The following STIM2 variants were observed in gnomAD, a reference collection of about 807,000 sequenced individuals.
STIM2 encodes stromal interaction molecule 2.
In STIM2, 31 loss-of-function variants were observed where a neutral mutation model predicts 85.8. The observed-to-expected ratio is 0.36, with a 90% CI of 0.27 to 0.49. The LOEUF is 0.49. Ranked by LOEUF, STIM2 falls within the 20% of genes least tolerant of loss-of-function variation. The probability of loss-of-function intolerance (pLI) is 0.98; values close to 1 mark genes in which losing one functional copy is unlikely to be tolerated. For synonymous variants in STIM2, 356 were observed against 331.1 expected (o/e 1.08, Z -0.82); for missense variants, 841 against 927.6 (o/e 0.91, Z 1.21).
intron 3 of STIM2, among the ~76,000 whole-genome samples, chr4:26,994,268 G>A (rs1215889129): frequency 6.6e-6 from 1 of 151,914 alleles, no homozygotes; most frequent in Non-Finnish European, 1.5e-5. Flanking sequence ...CTCTGTCACC[G>A]GCCCCTGCTC....
intron 2 of STIM2, among the ~76,000 whole-genome samples, chr4:26,950,048 A>T (rs895354401): frequency 2.6e-5 from 4 of 152,196 alleles, no homozygotes; most frequent in Non-Finnish European, 1.5e-5. Context: ...AACACACGGT[A>T]TTCTCAGTGA....
At chr4:26,917,005 A>C (rs899917658) in intron 1 of STIM2, among the ~76,000 whole-genome samples, 9 of 152,172 alleles carry the variant, frequency 5.9e-5, no homozygotes, top group Non-Finnish European at 1.0e-4. Context: ...TTTGTAATTT[A>C]GTTAATATAT....
chr4:26,960,623 T>A (rs1190824306), intron 3 of STIM2, among the ~76,000 whole-genome samples: 1 of 152,210 alleles, frequency 6.6e-6, no homozygotes, highest in Admixed American at 6.5e-5. Flanking sequence ...GGCATTTCTG[T>A]TATTAGACAT....
intron 1 of STIM2, among the ~76,000 whole-genome samples, chr4:26,864,803 T>C (rs141761960): frequency 4.6e-5 from 7 of 152,314 alleles, no homozygotes; most frequent in African/African-American, 1.4e-4. Context: ...ATGGCCACTT[T>C]ACCCAGTACT....
Position 26,861,335 on chromosome 4 carries a change from C to G in STIM2, c.117C>G (p.Ala39=). The G allele has an allele frequency of 7.3e-7, 1 of 1,378,414 alleles. No homozygotes were observed. The highest frequency in any genetic ancestry group is 9.3e-7 in the Non-Finnish European group (1 of 1,071,252). 85.4% of individuals were successfully genotyped at this position (1,378,414 alleles called of 1,614,324 possible). ...CCGCAACTGCCGCCTCCTCTCCCGC[C>G]GCGGCGGCCGGCGATAGCCCGGCGC... The change falls in exon 1 of 12, where the codon GCC becomes GCG. Residue 39 remains alanine (A), a synonymous_variant. Transcript: ENST00000467087.
intron 10 of STIM2, among the ~76,000 whole-genome samples, chr4:27,013,654 C>T (rs1462169674): frequency 1.3e-5 from 2 of 152,006 alleles, no homozygotes; most frequent in African/African-American, 4.8e-5. Flanking sequence ...GAGGCACTCT[C>T]CTGAGTTTCA....
chr4:26,985,777 G>T (rs1727560895), intron 3 of STIM2, among the ~76,000 whole-genome samples: 1 of 152,102 alleles, frequency 6.6e-6, no homozygotes, highest in Admixed American at 6.5e-5. Context: ...AAACTTTTAT[G>T]CCAGTTGCTT....
chr4:26,955,885 A>G lies in STIM2; in HGVS notation c.283-1727A>G, dbSNP rs185253888. Among the ~76,000 whole-genome samples the G allele has an allele frequency of 2.0e-5, 3 of 152,268 alleles. No homozygotes were observed. The East Asian group carries it at 5.8e-4, about 29-fold the overall frequency. ...GTTCAACAGTGTTGTTGATCCTAGA[A>G]CATTGTTTCTTTATTTTGCTCCCAA... On this transcript the variant is annotated intron_variant, in intron 2 of 11. Coordinates refer to ENST00000467087, the MANE Select transcript of STIM2 (RefSeq NM_020860.4).
chr4:26,988,221 A>G (rs2109119389), intron 3 of STIM2, among the ~76,000 whole-genome samples: 1 of 152,334 alleles, frequency 6.6e-6, no homozygotes, highest in Non-Finnish European at 1.5e-5. Flanking sequence ...CATCCAGAGG[A>G]TAAGATGAAC....
At chr4:26,905,719 C>A (rs1468550851) in intron 1 of STIM2, among the ~76,000 whole-genome samples, 4 of 152,108 alleles carry the variant, frequency 2.6e-5, no homozygotes, top group African/African-American at 9.7e-5. Context: ...AATTTCTATG[C>A]TGATTTATTT....
intron 1 of STIM2, among the ~76,000 whole-genome samples, chr4:26,891,571 ACACACAC>A: frequency 6.8e-6 from 1 of 146,884 alleles, no homozygotes; most frequent in African/African-American, 2.6e-5. Context: ...ACACACACAC[ACACACAC>A]ACACACACAC....
chr4:26,891,481 A>G (rs1723475721), intron 1 of STIM2, among the ~76,000 whole-genome samples: 1 of 152,108 alleles, frequency 6.6e-6, no homozygotes, highest in African/African-American at 2.4e-5. Flanking sequence ...GTTCCTTAAA[A>G]TAAATCTCTA....
chr4:26,966,760 A>T (rs920627718), intron 3 of STIM2, among the ~76,000 whole-genome samples: 3 of 152,258 alleles, frequency 2.0e-5, no homozygotes, highest in South Asian at 2.1e-4. Flanking sequence ...GAAATGAATG[A>T]TAAAAATAGA....
chr4:26,962,196 C>A (rs1319753020), intron 3 of STIM2, among the ~76,000 whole-genome samples: 1 of 152,130 alleles, frequency 6.6e-6, no homozygotes, highest in African/African-American at 2.4e-5. Flanking sequence ...TTTGAAAATT[C>A]ACTTATAAAA....
intron 1 of STIM2, among the ~76,000 whole-genome samples, chr4:26,915,221 C>T (rs1724491370): frequency 6.6e-6 from 1 of 151,836 alleles, no homozygotes; most frequent in Admixed American, 6.6e-5. Context: ...AATATTTCTT[C>T]CTTTTTTATT....
At chr4:26,930,289 T>C (rs1214231871) in intron 2 of STIM2, among the ~76,000 whole-genome samples, 2 of 152,190 alleles carry the variant, frequency 1.3e-5, no homozygotes, top group African/African-American at 4.8e-5. Context: ...TTCACATTGT[T>C]ATTGCTCATT....
chr4:26,885,079 C>T (rs1723164726), intron 1 of STIM2, among the ~76,000 whole-genome samples: 1 of 152,100 alleles, frequency 6.6e-6, no homozygotes, highest in Non-Finnish European at 1.5e-5. Flanking sequence ...TTAATGGGTA[C>T]AATATTAGGG....
At chr4:26,900,914 A>T (rs1286744572) in intron 1 of STIM2, among the ~76,000 whole-genome samples, 1 of 152,142 alleles carries the variant, frequency 6.6e-6, no homozygotes, top group East Asian at 1.9e-4. Flanking sequence ...GAAATCCCAG[A>T]CTGCAGACCC....
At chr4:26,903,330 T>TAA (rs943721659) in intron 1 of STIM2, among the ~76,000 whole-genome samples, 140 of 152,332 alleles carry the variant, frequency 9.2e-4, no homozygotes, top group African/African-American at 3.3e-3. Flanking sequence ...TGAGTTCTGT[T>TAA]AAATGCTTGG....
Sources: allele counts gnomAD v4.1 joint callset (sites outside exome capture counted in the v4.1 genomes callset), GRCh38; gene constraint gnomAD v4.1.1; transcripts MANE v1.5; gene names NCBI Gene and HGNC (gene_info 2026-07-23, HGNC 2026-07-21).